Variants in DNM3 observed in about 807,000 individuals in gnomAD.
DNM3 encodes the protein dynamin-3.
Under a neutral mutation model 101.6 loss-of-function variants are expected in DNM3, and 47 were observed. The ratio of observed to expected loss-of-function variants is 0.46; its 90% CI spans 0.37 to 0.59. DNM3 has a LOEUF of 0.59. Ranked by LOEUF, DNM3 falls within the 20% of genes least tolerant of loss-of-function variation. The probability of loss-of-function intolerance (pLI) is 0.00; values close to 1 mark genes in which losing one functional copy is unlikely to be tolerated. For missense variants in DNM3, 849 were observed against 1,085.7 expected (o/e 0.78, Z 3.06); for synonymous variants, 385 against 387.9 (o/e 0.99, Z 0.09).
At chr1:172,063,722 T>C (rs1256369232) in intron 10 of DNM3, among the ~76,000 whole-genome samples, 1 of 143,946 alleles carries the variant, frequency 6.9e-6, no homozygotes, top group Non-Finnish European at 1.5e-5. Context: ...GAGGTTGCAG[T>C]GAGCCAAGAT....
At chr1:172,111,554 T>G (rs1414693704) in intron 13 of DNM3, among the ~76,000 whole-genome samples, 1 of 152,248 alleles carries the variant, frequency 6.6e-6, no homozygotes, top group East Asian at 1.9e-4. Flanking sequence ...TTGGCTATAT[T>G]AAGTAAGTTG....
chr1:172,144,620 G>A (rs370904584), intron 14 of DNM3: 11 of 533,364 alleles, frequency 2.1e-5, no homozygotes, highest in East Asian at 5.5e-5. Flanking sequence ...CTGGGGCGAC[G>A]GAGCAGGATC....
chr1:172,173,019 C>G (rs1344244054), intron 14 of DNM3, among the ~76,000 whole-genome samples: 1 of 151,804 alleles, frequency 6.6e-6, no homozygotes, highest in East Asian at 1.9e-4. Context: ...TGGTGAATAG[C>G]TCTGGAAGGG....
chr1:172,038,567 A>G, intron 7 of DNM3, 106 bp downstream of exon 7: 2 of 1,358,996 alleles, frequency 1.5e-6, no homozygotes, highest in South Asian at 2.8e-5. Context: ...CAAGTAAACT[A>G]TATGAGGCTA....
chr1:172,291,871 G>A (rs2063930146), intron 15 of DNM3, among the ~76,000 whole-genome samples: 1 of 152,168 alleles, frequency 6.6e-6, no homozygotes, highest in South Asian at 2.1e-4. Flanking sequence ...GGACTATGAT[G>A]TTAGTCTGAA....
chr1:171,874,356 C>A (rs1039782763), intron 1 of DNM3, among the ~76,000 whole-genome samples: 1 of 152,012 alleles, frequency 6.6e-6, no homozygotes, highest in Non-Finnish European at 1.5e-5. Context: ...GGGAAACCAG[C>A]AGTTTTTATA....
intron 17 of DNM3, among the ~76,000 whole-genome samples, chr1:172,354,974 A>C (rs536395921): frequency 6.6e-6 from 1 of 152,286 alleles, no homozygotes; most frequent in East Asian, 1.9e-4. Flanking sequence ...GAGGAAAGTT[A>C]TTTGTCTCGG....
At chr1:172,161,641 A>G (rs1382974031) in intron 14 of DNM3, among the ~76,000 whole-genome samples, 1 of 152,028 alleles carries the variant, frequency 6.6e-6, no homozygotes, top group African/African-American at 2.4e-5. Flanking sequence ...TGGTAATGTA[A>G]TTGGTGGGGG....
chr1:172,387,861 A>G (rs944351258), intron 19 of DNM3, among the ~76,000 whole-genome samples: 12 of 152,230 alleles, frequency 7.9e-5, no homozygotes, highest in African/African-American at 2.9e-4. Context: ...AATGTTATAT[A>G]GTCACTAAAA....
intron 2 of DNM3, among the ~76,000 whole-genome samples, chr1:171,958,323 C>T (rs2042992359): frequency 6.6e-6 from 1 of 152,134 alleles, no homozygotes; most frequent in African/African-American, 2.4e-5. Context: ...GGTGGGGATG[C>T]AGCCAAACCA....
At chr1:172,182,687 G>A (rs2059391096) in intron 14 of DNM3, among the ~76,000 whole-genome samples, 1 of 152,078 alleles carries the variant, frequency 6.6e-6, no homozygotes, top group Admixed American at 6.6e-5. Context: ...TGTCCTCAGA[G>A]ACTGCCTGAA....
At chr1:172,323,229 T>A in intron 16 of DNM3, 100 bp from the exon 17 acceptor site, 4 of 1,269,202 alleles carry the variant, frequency 3.2e-6, no homozygotes, top group Non-Finnish European at 4.3e-6. Context: ...TTTTATTTTT[T>A]TTAATATCCA....
At chr1:171,930,303 C>T (rs1434083194) in intron 2 of DNM3, among the ~76,000 whole-genome samples, 1 of 152,140 alleles carries the variant, frequency 6.6e-6, no homozygotes, top group Non-Finnish European at 1.5e-5. Context: ...ATTTCCAAGC[C>T]AGTGGGTCAT....
At chr1:172,380,359 A>G (rs888861854) in intron 18 of DNM3, among the ~76,000 whole-genome samples, 11 of 152,084 alleles carry the variant, frequency 7.2e-5, no homozygotes, top group African/African-American at 2.4e-4. Flanking sequence ...TTATTTCTAA[A>G]TACGACAGTC....
chr1:171,999,762 A>G (rs1281297396), intron 4 of DNM3, among the ~76,000 whole-genome samples: 1 of 152,136 alleles, frequency 6.6e-6, no homozygotes, highest in African/African-American at 2.4e-5. Context: ...TATCTTTATA[A>G]GAGAAAAGAG....
chr1:172,098,738 T>G (rs767774893), intron 13 of DNM3, among the ~76,000 whole-genome samples: 1 of 152,242 alleles, frequency 6.6e-6, no homozygotes, highest in Non-Finnish European at 1.5e-5. Flanking sequence ...CCATGAAATC[T>G]TCACAATTTA....
intron 1 of DNM3, among the ~76,000 whole-genome samples, chr1:171,901,127 AAAAAG>A (rs1300470642): frequency 4.7e-5 from 7 of 149,212 alleles, no homozygotes; most frequent in East Asian, 2.0e-4. Context: ...AAAAAAAAAA[AAAAAG>A]AAAGAAATCT....
At chr1:172,180,362 C>T (rs991895645) in intron 14 of DNM3, among the ~76,000 whole-genome samples, 6 of 152,054 alleles carry the variant, frequency 3.9e-5, no homozygotes, top group African/African-American at 1.4e-4. Flanking sequence ...TGAGATTATG[C>T]ACCTCATTTT....
At position 171,889,451 on chromosome 1, in the gene DNM3, A is replaced by G. The variant is rs142214802; in HGVS notation, c.162-32297A>G. ...AGGGGCATATACGAAGGAAAAATAC[A>G]TAAGTGGCTTTTAATTAAAATGGAG... On this transcript the variant is annotated intron_variant, in intron 1 of 20. Transcript: ENST00000627582. 6.6e-5 allele frequency among the ~76,000 whole-genome samples: 10 copies of G among 152,376 alleles called. No individual in the cohort carries two copies. In the East Asian group the frequency reaches 1.2e-3, roughly 18 times the overall value.
Sources: gnomAD v4.1 joint callset for allele counts (sites outside exome capture counted in the v4.1 genomes callset) on GRCh38, gnomAD v4.1.1 for gene constraint, MANE v1.5 for transcripts, NCBI Gene and HGNC (gene_info 2026-07-23, HGNC 2026-07-21) for gene names.